Variants in SH3BGRL observed in about 807,000 individuals in gnomAD.
The protein encoded by SH3BGRL is SH3 domain binding glutamate rich protein like, also known as adapter SH3BGRL.
In SH3BGRL, 7 loss-of-function variants were observed where a neutral mutation model predicts 9.8. That is an observed-to-expected ratio of 0.72 (90% CI 0.41 to 1.35). SH3BGRL has a LOEUF of 1.35. Ranked by LOEUF, SH3BGRL falls within the 40% of genes most tolerant of loss-of-function variation. The pLI, the probability that SH3BGRL is intolerant of heterozygous loss-of-function variation, is 0.01. For synonymous variants in SH3BGRL, 36 were observed against 29.1 expected (o/e 1.24, Z -0.76); for missense variants, 73 against 84.4 (o/e 0.86, Z 0.53).
At chrX:81,260,729 T>C (rs2075738729) in intron 1 of SH3BGRL, among the ~76,000 whole-genome samples, 1 of 111,122 alleles carries the variant, frequency 9.0e-6, no homozygotes, top group Admixed American at 9.7e-5. Context: ...TTAAAGTTCC[T>C]TCAGACCATA....
At chrX:81,219,297 T>C (rs1183093413) in intron 1 of SH3BGRL, among the ~76,000 whole-genome samples, 1 of 110,795 alleles carries the variant, frequency 9.0e-6, no homozygotes, top group East Asian at 2.8e-4. Context: ...TTGAGTTTCT[T>C]TCATCAATAT....
chrX:81,269,922 A>G (rs1490069519), intron 1 of SH3BGRL, among the ~76,000 whole-genome samples: 2 of 107,812 alleles, frequency 1.9e-5, no homozygotes, highest in African/African-American at 6.8e-5. Context: ...ATTTCTTTTT[A>G]CTCTTTTTTC....
chrX:81,297,446 A>G lies in SH3BGRL; in HGVS notation c.*219A>G. Reference sequence around the variant, plus strand: ...GGGATATTAACATAAAATTATATTAATAAGTAGATATCGTAGAAATAGTGT... The same window carrying G: ...GGGATATTAACATAAAATTATATTAGTAAGTAGATATCGTAGAAATAGTGT... On this transcript the variant is annotated 3_prime_UTR_variant, in exon 4 of 4. Coordinates refer to ENST00000373212, the MANE Select transcript of SH3BGRL (RefSeq NM_003022.3). The G allele has an allele frequency of 3.0e-6, 1 of 329,683 alleles. No homozygotes were observed. The allele number at this position is 329,683 out of a possible 1,213,427, so 27.2% of individuals were successfully genotyped here.
At chrX:81,202,377 C>CGGGG in intron 1 of SH3BGRL, 132 bp downstream of exon 1, 1 of 954,061 alleles carries the variant, frequency 1.0e-6, no homozygotes, top group Non-Finnish European at 1.3e-6. Context: ...CGATCCCACC[C>CGGGG]TTCTTCTTCC....
At chrX:81,232,858 A>T (rs918288005) in intron 1 of SH3BGRL, among the ~76,000 whole-genome samples, 1 of 111,566 alleles carries the variant, frequency 9.0e-6, no homozygotes, top group Admixed American at 9.5e-5. Flanking sequence ...GCCCTGTCAG[A>T]TCATGTCTTT....
At chrX:81,244,721 A>G (rs187421735) in intron 1 of SH3BGRL, among the ~76,000 whole-genome samples, 2 of 111,273 alleles carry the variant, frequency 1.8e-5, no homozygotes, top group East Asian at 2.8e-4. Context: ...ACATACGTAT[A>G]CATGTGCCAT....
At chrX:81,210,389 A>C (rs1380111206) in intron 1 of SH3BGRL, among the ~76,000 whole-genome samples, 2 of 111,630 alleles carry the variant, frequency 1.8e-5, no homozygotes, top group African/African-American at 6.5e-5. Context: ...GAAGGAAGAC[A>C]AGCATATATA....
At chrX:81,294,396 AAG>A (rs990725051) in intron 3 of SH3BGRL, among the ~76,000 whole-genome samples, 1 of 110,623 alleles carries the variant, frequency 9.0e-6, no homozygotes, top group Non-Finnish European at 1.9e-5. Context: ...AAAGGGGCCA[AAG>A]TACAGCTTGT....
At chrX:81,213,581 G>A (rs949424893) in intron 1 of SH3BGRL, among the ~76,000 whole-genome samples, 8 of 110,923 alleles carry the variant, frequency 7.2e-5, no homozygotes, top group Non-Finnish European at 1.5e-4. Context: ...TTTGAGGCAA[G>A]GGGTATATTG....
chrX:81,268,975 C>T (rs1249299097), intron 1 of SH3BGRL, among the ~76,000 whole-genome samples: 3 of 111,649 alleles, frequency 2.7e-5, no homozygotes, highest in Non-Finnish European at 5.6e-5. Context: ...TATGTAATGG[C>T]CTTCTTTGTC....
chrX:81,235,265 T>C (rs1031904890), intron 1 of SH3BGRL, among the ~76,000 whole-genome samples: 1 of 110,892 alleles, frequency 9.0e-6, no homozygotes, highest in Non-Finnish European at 1.9e-5. Flanking sequence ...GGATATAGTA[T>C]GCCTGGCAGA....
At chrX:81,202,466 G>C (rs942212058) in intron 1 of SH3BGRL, 6 of 991,168 alleles carry the variant, frequency 6.1e-6, no homozygotes, top group African/African-American at 2.1e-5. Context: ...CGTGACGTTG[G>C]GGGGCACATT....
chrX:81,205,107 A>G (rs1448846221), intron 1 of SH3BGRL, among the ~76,000 whole-genome samples: 3 of 111,761 alleles, frequency 2.7e-5, no homozygotes, highest in African/African-American at 9.8e-5. Context: ...TTTTCTAGCT[A>G]TACAGTAAAT....
At chrX:81,264,383 T>C (rs2075749822) in intron 1 of SH3BGRL, among the ~76,000 whole-genome samples, 1 of 111,828 alleles carries the variant, frequency 8.9e-6, no homozygotes. Flanking sequence ...TCTTAACATC[T>C]CTGAGCCCCT....
intron 1 of SH3BGRL, among the ~76,000 whole-genome samples, chrX:81,268,204 T>G (rs778889890): frequency 1.8e-5 from 2 of 111,296 alleles, no homozygotes; most frequent in Non-Finnish European, 3.8e-5. Context: ...GGGTTTTTTT[T>G]GTGTCTCTAT....
At chrX:81,253,211 A>T (rs1251097940) in intron 1 of SH3BGRL, among the ~76,000 whole-genome samples, 2 of 112,381 alleles carry the variant, frequency 1.8e-5, no homozygotes, top group Non-Finnish European at 3.8e-5. Context: ...ATAGGTAAAG[A>T]TGTAATGTGG....
chrX:81,271,312 A>T (rs935935544), intron 1 of SH3BGRL, among the ~76,000 whole-genome samples: 4 of 112,124 alleles, frequency 3.6e-5, no homozygotes, highest in Non-Finnish European at 7.5e-5. Flanking sequence ...AAATGCAGAA[A>T]TCACTTGTCT....
intron 1 of SH3BGRL, among the ~76,000 whole-genome samples, chrX:81,211,543 T>C (rs5959847): frequency 0.18 from 19,398 of 108,540 alleles, 1,717 homozygotes; most frequent in East Asian, 0.69. Context: ...TCCGAGATCG[T>C]GCCACTGCAC....
At chrX:81,244,831 T>C (rs1008178729) in intron 1 of SH3BGRL, among the ~76,000 whole-genome samples, 1 of 111,185 alleles carries the variant, frequency 9.0e-6, no homozygotes, top group Non-Finnish European at 1.9e-5. Context: ...TGGTGTGTGA[T>C]GTTCCCCTCC....
Sources: allele counts gnomAD v4.1 joint callset (sites outside exome capture counted in the v4.1 genomes callset), GRCh38; gene constraint gnomAD v4.1.1; transcripts MANE v1.5; gene names NCBI Gene and HGNC (gene_info 2026-07-23, HGNC 2026-07-21).